FMOD: variants seen among roughly 807,000 people sequenced by gnomAD.
The protein encoded by FMOD is KSPG fibromodulin.
In FMOD, 15 loss-of-function variants were observed where a neutral mutation model predicts 27.0. The ratio of observed to expected loss-of-function variants is 0.55; its 90% CI spans 0.37 to 0.85. The LOEUF (loss-of-function observed/expected upper bound fraction) is 0.85, where lower values mean the gene tolerates loss of function less well. FMOD is among the 40% of genes least tolerant of loss of function. The probability of loss-of-function intolerance (pLI) is 0.00; values close to 1 mark genes in which losing one functional copy is unlikely to be tolerated. For missense variants in FMOD, 460 were observed against 483.2 expected, an observed-to-expected ratio of 0.95 and a Z score of 0.45; for synonymous variants, 210 against 214.0, an observed-to-expected ratio of 0.98 and a Z score of 0.16.
At chr1:203,343,413 A>G (rs1389621113) in intron 2 of FMOD, among the ~76,000 whole-genome samples, 4 of 152,224 alleles carry the variant, frequency 2.6e-5, no homozygotes, top group Non-Finnish European at 5.9e-5. Flanking sequence ...AACTCAGCTA[A>G]AACTTCAGGA....
intron 2 of FMOD, among the ~76,000 whole-genome samples, chr1:203,346,040 C>T (rs1327955018): frequency 1.3e-5 from 2 of 152,168 alleles, no homozygotes; most frequent in African/African-American, 4.8e-5. Context: ...AGGTGCCAGA[C>T]AGATGCCTCT....
chr1:203,343,523 T>A (rs1296099400), intron 2 of FMOD, among the ~76,000 whole-genome samples: 1 of 152,228 alleles, frequency 6.6e-6, no homozygotes, highest in African/African-American at 2.4e-5. Flanking sequence ...GTTGTCATTC[T>A]CTGCAAAGGG....
intron 2 of FMOD, among the ~76,000 whole-genome samples, chr1:203,344,208 T>C (rs2102301936): frequency 6.6e-6 from 1 of 152,248 alleles, no homozygotes; most frequent in Admixed American, 6.5e-5. Context: ...TCAGCTTAAG[T>C]ATCATTTCCA....
At chr1:203,346,926 C>A (rs1440276951) in intron 2 of FMOD, among the ~76,000 whole-genome samples, 1 of 152,156 alleles carries the variant, frequency 6.6e-6, no homozygotes, top group Non-Finnish European at 1.5e-5. Flanking sequence ...CCCAGCTGTC[C>A]CCTACATCGA....
Position 203,347,758 on chromosome 1 carries a change from G to A in FMOD, c.513C>T (p.Pro171=), listed in dbSNP as rs148667187. The A allele has an allele frequency of 1.3e-5, 21 of 1,613,814 alleles. No homozygotes were observed. The highest frequency in any genetic ancestry group is 1.1e-4 in the East Asian group (5 of 44,874). The change falls in exon 2 of 3, where the codon CCC becomes CCT. Residue 171 remains proline (P), a synonymous_variant. Coordinates refer to ENST00000354955, the MANE Select transcript of FMOD (RefSeq NM_002023.5). ...CTCTCAGGGATCGAGGCAGGGGACCGGGCATCCGGGTCAGGTTGTTGTGGT... is the reference window on the plus strand; with the variant it reads ...CTCTCAGGGATCGAGGCAGGGGACCAGGCATCCGGGTCAGGTTGTTGTGGT... ...YLDHNNLTRM[P]GPLPRSLREL... is the part of the protein sequence containing the mutation.
intron 2 of FMOD, among the ~76,000 whole-genome samples, chr1:203,344,498 A>G (rs1362888889): frequency 6.6e-6 from 1 of 152,158 alleles, no homozygotes; most frequent in Non-Finnish European, 1.5e-5. Context: ...AGTCTTTCCA[A>G]ATTCCTACTG....
chr1:203,342,227 G>A lies in FMOD; in HGVS notation c.*116C>T, dbSNP rs1047605574. Reference sequence around the variant, plus strand: ...ACCTACAGGAAAGAAGACTACAGAGGGTGCCCGTGGACTTCTGTCACATGG... The same window carrying A: ...ACCTACAGGAAAGAAGACTACAGAGAGTGCCCGTGGACTTCTGTCACATGG... On this transcript the variant is annotated 3_prime_UTR_variant, in exon 3 of 3. Coordinates refer to ENST00000354955, the MANE Select transcript of FMOD (RefSeq NM_002023.5). 4 of 1,302,940 alleles carry A rather than the reference G, an allele frequency of 3.1e-6. No individual in the cohort carries two copies. In the African/African-American group the frequency reaches 5.9e-5, roughly 19 times the overall value. 80.7% of individuals were successfully genotyped at this position (1,302,940 alleles called of 1,614,324 possible).
rs745405873 is a variant in FMOD, at chr1:203,347,834, A to G, written c.437T>C (p.Val146Ala). The G allele has an allele frequency of 5.9e-5, 95 of 1,613,800 alleles. No individual in the cohort carries two copies. Among genetic ancestry groups the G allele is most frequent in the Non-Finnish European group, 7.7e-5 (91 of 1,180,006 alleles). ...LHGNQITSDK[V>A]GRKVFSKLRH... The stretch of plus-strand genomic sequence containing the variant: ...CAGCTTGGAGAAGACCTTCCTGCCC[A>G]CCTTATCACTGGTGATCTGGTTGCC... The change falls in exon 2 of 3, where the codon GTG becomes GCG. Residue 146 changes from valine to alanine, a missense_variant. Val to Ala is a moderately conservative substitution (Grantham distance 64, BLOSUM62 0). Coordinates refer to ENST00000354955, the MANE Select transcript of FMOD (RefSeq NM_002023.5).
chr1:203,342,093 C>A lies in FMOD; in HGVS notation c.*250G>T. ...AGCCGTGAGATTTATGGGGTTGGAACATCCAGGGATCCTTCCATCTACCAC... is the reference window on the plus strand; with the variant it reads ...AGCCGTGAGATTTATGGGGTTGGAAAATCCAGGGATCCTTCCATCTACCAC... On this transcript the variant is annotated 3_prime_UTR_variant, in exon 3 of 3. Coordinates refer to ENST00000354955, the MANE Select transcript of FMOD (RefSeq NM_002023.5). 2.2e-6 allele frequency: 1 copy of A among 457,996 alleles called. No homozygotes were observed. 28.4% of individuals were successfully genotyped at this position (457,996 alleles called of 1,614,324 possible). A position where few individuals can be genotyped will look rare whatever the true frequency, so the allele number is the denominator to read the frequency against.
chr1:203,344,449 T>C (rs1658852032), intron 2 of FMOD, among the ~76,000 whole-genome samples: 1 of 152,172 alleles, frequency 6.6e-6, no homozygotes, highest in Non-Finnish European at 1.5e-5. Context: ...GTGGAGGCAC[T>C]GGAGGACATT....
At chr1:203,343,940 G>T (rs138154984) in intron 2 of FMOD, among the ~76,000 whole-genome samples, 3 of 152,294 alleles carry the variant, frequency 2.0e-5, no homozygotes, top group East Asian at 3.9e-4. Context: ...TGTATTGCAG[G>T]CATAACACAG....
chr1:203,345,988 G>A (rs1198948258), intron 2 of FMOD, among the ~76,000 whole-genome samples: 1 of 151,372 alleles, frequency 6.6e-6, no homozygotes, highest in Admixed American at 6.6e-5. Context: ...TAATAAAAAA[G>A]AGTTTAGGCT....
chr1:203,345,715 G>T (rs181054150), intron 2 of FMOD, among the ~76,000 whole-genome samples: 3 of 152,208 alleles, frequency 2.0e-5, no homozygotes, highest in African/African-American at 7.2e-5. Flanking sequence ...TGGCTAACAC[G>T]GTGAAACCCC....
At chr1:203,348,481 T>C (rs187951072) in intron 1 of FMOD, among the ~76,000 whole-genome samples, 5 of 152,324 alleles carry the variant, frequency 3.3e-5, no homozygotes, top group African/African-American at 9.6e-5. Flanking sequence ...CCATGGCTAT[T>C]TGGGGTGAGC....
In FMOD at chr1:203,347,984, T is replaced by C. The variant is rs559377510; in HGVS notation, c.287A>G (p.Asn96Ser). 1.2e-6 allele frequency: 2 copies of C among 1,604,034 alleles called. No homozygotes were observed. The highest frequency in any genetic ancestry group is 4.5e-5 in the East Asian group (2 of 44,670). The change falls in exon 2 of 3, where the codon AAC (asparagine) becomes AGC (serine). Residue 96 changes from asparagine to serine, a missense_variant. Transcript: ENST00000354955. ...GGGAACGAAGGGCAGGTACTTGAGG[T>C]TGCGATTGTCACAGTACATGGCCGT... is the stretch of plus-strand genomic sequence containing the variant. ...FPTAMYCDNR[N>S]LKYLPFVPSR...
chr1:203,343,428 T>C (rs3820224), intron 2 of FMOD, among the ~76,000 whole-genome samples: 129,800 of 152,210 alleles, frequency 0.85, 55,532 homozygotes, highest in Admixed American at 0.9. Flanking sequence ...TCAGGAGAGA[T>C]GGCAAAAGTC....
intron 2 of FMOD, among the ~76,000 whole-genome samples, chr1:203,345,110 G>C (rs150497071): frequency 6.6e-6 from 1 of 152,288 alleles, no homozygotes; most frequent in African/African-American, 2.4e-5. Flanking sequence ...GCATTATTTT[G>C]TCTAAAAAGA....
chr1:203,349,803 CAA>C (rs765977281), intron 1 of FMOD, among the ~76,000 whole-genome samples: 11 of 152,226 alleles, frequency 7.2e-5, no homozygotes, highest in South Asian at 6.2e-4. Context: ...TCTGTCCCCT[CAA>C]AACAGTTTCC....
rs767747763 is a variant in FMOD at position 203,342,507 on chromosome 1, G to A, written c.980-13C>T. 1.2e-6 allele frequency: 2 copies of A among 1,611,508 alleles called. No homozygotes were observed. Among genetic ancestry groups the A allele is most frequent in the Non-Finnish European group, 1.7e-6 (2 of 1,178,218 alleles). ...CTGATGGAGAACTCTGTGGGGACAA[G>A]AGGAGCACGGGTCAGGGAGAGAAGC... On this transcript the variant is annotated splice_polypyrimidine_tract_variant and intron_variant, in intron 2 of 2. Transcript: ENST00000354955.
Sources: allele counts gnomAD v4.1 joint callset (sites outside exome capture counted in the v4.1 genomes callset), GRCh38; gene constraint gnomAD v4.1.1; transcripts MANE v1.5; gene names NCBI Gene and HGNC (gene_info 2026-07-23, HGNC 2026-07-21).